Variants in CNTNAP5 observed in about 807,000 individuals in gnomAD.
The protein encoded by CNTNAP5 is contactin associated protein family member 5.
Under a neutral mutation model 150.2 loss-of-function variants are expected in CNTNAP5, and 72 were observed. That is an observed-to-expected ratio of 0.48 (90% CI 0.40 to 0.58). The LOEUF is 0.58. CNTNAP5 is among the 20% of genes least tolerant of loss of function. The probability of loss-of-function intolerance (pLI) is 0.00; values close to 1 mark genes in which losing one functional copy is unlikely to be tolerated. For synonymous variants in CNTNAP5, 672 were observed against 619.8 expected, an observed-to-expected ratio of 1.08 and a Z score of -1.25; for missense variants, 1,636 against 1,626.2, an observed-to-expected ratio of 1.01 and a Z score of -0.10.
intron 10 of CNTNAP5, among the ~76,000 whole-genome samples, chr2:124,543,177 G>C (rs377173434): frequency 3.3e-5 from 5 of 152,170 alleles, no homozygotes; most frequent in Non-Finnish European, 7.3e-5. Flanking sequence ...GCTAGCAAGA[G>C]TATTTTTGTT....
intron 3 of CNTNAP5, among the ~76,000 whole-genome samples, chr2:124,357,538 T>C (rs1425264746): frequency 6.6e-6 from 1 of 151,952 alleles, no homozygotes; most frequent in East Asian, 1.9e-4. Flanking sequence ...TAGCCAGTTT[T>C]CCCAGCACCG....
chr2:124,884,316 TATGTGC>T (rs1482503428), intron 21 of CNTNAP5, among the ~76,000 whole-genome samples: 6 of 152,104 alleles, frequency 3.9e-5, no homozygotes, highest in Admixed American at 2.0e-4. Context: ...TTTGTATGTG[TATGTGC>T]ATATTCCTTT....
chr2:124,749,363 G>A (rs1335881420), intron 14 of CNTNAP5, among the ~76,000 whole-genome samples: 6 of 120,808 alleles, frequency 5.0e-5, no homozygotes, highest in Non-Finnish European at 9.7e-5. Context: ...CCCTCTCTCC[G>A]TCCTTCCCTC....
Position 124,390,499 on chromosome 2 carries a change from C to G in CNTNAP5, c.382-26944C>G, listed in dbSNP as rs567798274. 2.0e-5 allele frequency among the ~76,000 whole-genome samples: 3 copies of G among 152,208 alleles called. No homozygotes were observed. The South Asian group carries it at 6.2e-4, about 32-fold the overall frequency. On this transcript the variant is annotated intron_variant, in intron 3 of 23. Coordinates refer to ENST00000682447, the MANE Select transcript of CNTNAP5 (RefSeq NM_001367498.1). Reference sequence around the variant, plus strand: ...AATATTATTATGAGAAATAACACCACGAGGACAAAGTAAATAGAAACATAC... The same window carrying G: ...AATATTATTATGAGAAATAACACCAGGAGGACAAAGTAAATAGAAACATAC...
At chr2:124,845,312 G>A (rs1683026270) in intron 19 of CNTNAP5, among the ~76,000 whole-genome samples, 2 of 151,938 alleles carry the variant, frequency 1.3e-5, no homozygotes, top group African/African-American at 4.8e-5. Context: ...AACCATCCCT[G>A]CATTCCTGGT....
At chr2:124,055,753 G>A (rs557296050) in intron 1 of CNTNAP5, among the ~76,000 whole-genome samples, 1 of 152,260 alleles carries the variant, frequency 6.6e-6, no homozygotes, top group South Asian at 2.1e-4. Context: ...ATTTCCTCGT[G>A]TTTAAGCCCT....
chr2:124,495,224 T>C (rs1275320291), intron 7 of CNTNAP5, among the ~76,000 whole-genome samples: 1 of 152,130 alleles, frequency 6.6e-6, no homozygotes, highest in Non-Finnish European at 1.5e-5. Context: ...TCAGACCCAG[T>C]TTTTTATTAT....
At chr2:124,683,493 G>T (rs971474033) in intron 13 of CNTNAP5, among the ~76,000 whole-genome samples, 4 of 152,068 alleles carry the variant, frequency 2.6e-5, no homozygotes, top group Non-Finnish European at 4.4e-5. Flanking sequence ...CACCCAAGCA[G>T]TGTACGCTGT....
intron 17 of CNTNAP5, among the ~76,000 whole-genome samples, chr2:124,778,278 C>T (rs1299022219): frequency 6.6e-6 from 1 of 152,160 alleles, no homozygotes; most frequent in Non-Finnish European, 1.5e-5. Flanking sequence ...TTCTCTGAGT[C>T]TGCCCAGAGG....
chr2:124,383,162 A>T (rs1439992207), intron 3 of CNTNAP5, among the ~76,000 whole-genome samples: 18 of 152,120 alleles, frequency 1.2e-4, no homozygotes, highest in Admixed American at 1.2e-3. Context: ...GAAGTTTAAC[A>T]CATTTGGCGA....
intron 3 of CNTNAP5, among the ~76,000 whole-genome samples, chr2:124,356,934 G>A (rs1324791152): frequency 1.3e-5 from 2 of 152,006 alleles, no homozygotes; most frequent in African/African-American, 4.8e-5. Flanking sequence ...CAGTGTAAAA[G>A]TGTTCCTATT....
chr2:124,222,564 A>G (rs560615666), intron 2 of CNTNAP5, among the ~76,000 whole-genome samples: 1 of 152,230 alleles, frequency 6.6e-6, no homozygotes, highest in East Asian at 1.9e-4. Context: ...TCCTAGGTCA[A>G]GAAAAGCGTG....
intron 3 of CNTNAP5, among the ~76,000 whole-genome samples, chr2:124,248,561 T>C (rs536349436): frequency 6.6e-6 from 1 of 152,334 alleles, no homozygotes; most frequent in South Asian, 2.1e-4. Context: ...TCACCCCAGC[T>C]TCAGCAGGCT....
chr2:124,465,635 T>C (rs1358131775), intron 6 of CNTNAP5, among the ~76,000 whole-genome samples: 1 of 152,182 alleles, frequency 6.6e-6, no homozygotes, highest in Non-Finnish European at 1.5e-5. Context: ...TCTGTGCCTC[T>C]GAGAAAATTT....
chr2:124,410,892 A>T (rs1313985301), intron 3 of CNTNAP5, among the ~76,000 whole-genome samples: 1 of 151,758 alleles, frequency 6.6e-6, no homozygotes, highest in Non-Finnish European at 1.5e-5. Flanking sequence ...AGCAGAACTG[A>T]AGGAAATAGA....
At chr2:124,209,484 T>C (rs1009190925) in intron 1 of CNTNAP5, among the ~76,000 whole-genome samples, 1 of 152,200 alleles carries the variant, frequency 6.6e-6, no homozygotes, top group Admixed American at 6.5e-5. Flanking sequence ...GTGCTCACAA[T>C]CTTGAACGCA....
chr2:124,135,056 C>G (rs533741001), intron 1 of CNTNAP5: 2 of 152,236 alleles, frequency 1.3e-5, no homozygotes, highest in South Asian at 4.1e-4. Flanking sequence ...CATTTCTTTC[C>G]TTTACAAGCA....
At chr2:124,412,522 C>A (rs1413830238) in intron 3 of CNTNAP5, among the ~76,000 whole-genome samples, 3 of 151,812 alleles carry the variant, frequency 2.0e-5, no homozygotes, top group Admixed American at 2.0e-4. Context: ...GTACTGGTAC[C>A]AAAACAGAGA....
intron 21 of CNTNAP5, among the ~76,000 whole-genome samples, chr2:124,882,428 AC>A (rs1200462164): frequency 6.6e-6 from 1 of 152,126 alleles, no homozygotes; most frequent in Non-Finnish European, 1.5e-5. Flanking sequence ...TAATTACAGA[AC>A]AATTGATCTT....
Sources: gnomAD v4.1 joint callset for allele counts (sites outside exome capture counted in the v4.1 genomes callset) on GRCh38, gnomAD v4.1.1 for gene constraint, MANE v1.5 for transcripts, NCBI Gene and HGNC (gene_info 2026-07-23, HGNC 2026-07-21) for gene names.